The following PPARGC1A variants were observed in gnomAD, a reference collection of about 807,000 sequenced individuals.
PPARGC1A encodes peroxisome proliferator-activated receptor gamma coactivator 1-alpha.
PPARGC1A carries 25 observed loss-of-function variants against 88.7 expected under a neutral mutation model. The ratio of observed to expected loss-of-function variants is 0.28; its 90% confidence interval spans 0.21 to 0.39. The LOEUF (loss-of-function observed/expected upper bound fraction) is 0.39. PPARGC1A is among the 10% of genes least tolerant of loss of function. The pLI, the probability that PPARGC1A is intolerant of heterozygous loss-of-function variation, is 1.00. For missense variants in PPARGC1A, 880 were observed against 968.7 expected (o/e 0.91, Z 1.22); for synonymous variants, 363 against 355.6 (o/e 1.02, Z -0.24).
chr4:23,963,883 C>T, the PPARGC1A span, among the ~76,000 whole-genome samples: 2 of 152,100 alleles, frequency 1.3e-5, no homozygotes, highest in African/African-American at 2.4e-5. Flanking sequence ...GAAATTTTGA[C>T]GGTTCTGGTA....
the PPARGC1A span, among the ~76,000 whole-genome samples, chr4:24,387,919 A>AAAGG: frequency 8.3e-5 from 1 of 11,998 alleles, no homozygotes; most frequent in Non-Finnish European, 4.6e-4. Flanking sequence ...AGAAAGAAAG[A>AAAGG]AAGAAAGAAA....
chr4:24,350,712 A>G, the PPARGC1A span, among the ~76,000 whole-genome samples: 1 of 152,224 alleles, frequency 6.6e-6, no homozygotes, highest in Non-Finnish European at 1.5e-5. Flanking sequence ...CAAGGTCTTT[A>G]TCACAAACTA....
the PPARGC1A span, among the ~76,000 whole-genome samples, chr4:24,053,431 A>T: frequency 6.6e-6 from 1 of 152,170 alleles, no homozygotes; most frequent in Non-Finnish European, 1.5e-5. Flanking sequence ...ATAAAAGGCT[A>T]AGCACCAGCT....
the PPARGC1A span, among the ~76,000 whole-genome samples, chr4:24,292,527 A>C: frequency 5.0e-3 from 72 of 14,544 alleles, no homozygotes; most frequent in African/African-American, 6.6e-3. Context: ...GCTCCTCCCT[A>C]CCCCCCCACC....
the PPARGC1A span, among the ~76,000 whole-genome samples, chr4:24,466,623 T>G: frequency 6.6e-6 from 1 of 152,204 alleles, no homozygotes; most frequent in Non-Finnish European, 1.5e-5. Flanking sequence ...TTAGTCATTG[T>G]CACTGCTCTT....
At chr4:23,873,699 A>G (rs1177352092) in intron 2 of PPARGC1A, among the ~76,000 whole-genome samples, 2 of 152,238 alleles carry the variant, frequency 1.3e-5, no homozygotes, top group African/African-American at 4.8e-5. Context: ...GTAATACATT[A>G]AGAGTTAACT....
At chr4:24,046,887 C>T in the PPARGC1A span, among the ~76,000 whole-genome samples, 1 of 152,222 alleles carries the variant, frequency 6.6e-6, no homozygotes, top group African/African-American at 2.4e-5. Flanking sequence ...GGGGCCCTAG[C>T]AAATGGCGGG....
intron 2 of PPARGC1A, among the ~76,000 whole-genome samples, chr4:23,879,722 C>T (rs1015972175): frequency 2.0e-5 from 3 of 152,288 alleles, no homozygotes; most frequent in East Asian, 1.9e-4. Context: ...TCCTACTTGC[C>T]TACACCTCTT....
At chr4:24,188,525 G>A in the PPARGC1A span, among the ~76,000 whole-genome samples, 1 of 152,116 alleles carries the variant, frequency 6.6e-6, no homozygotes, top group Non-Finnish European at 1.5e-5. Context: ...GAAATGCAGA[G>A]TAAAGAAGGA....
the PPARGC1A span, among the ~76,000 whole-genome samples, chr4:24,338,345 T>C: frequency 1.3e-5 from 2 of 152,226 alleles, no homozygotes; most frequent in Non-Finnish European, 2.9e-5. Flanking sequence ...AGAAGTATTT[T>C]AATGATGTTT....
At chr4:24,056,968 T>C in the PPARGC1A span, among the ~76,000 whole-genome samples, 2 of 152,134 alleles carry the variant, frequency 1.3e-5, no homozygotes, top group African/African-American at 2.4e-5. Context: ...CACAAAGAAC[T>C]GAAATCAGGG....
chr4:24,199,686 A>G, the PPARGC1A span, among the ~76,000 whole-genome samples: 1 of 152,198 alleles, frequency 6.6e-6, no homozygotes, highest in Non-Finnish European at 1.5e-5. Flanking sequence ...CCTACTCAAA[A>G]AACAAAAGTG....
At chr4:24,441,954 C>T in the PPARGC1A span, among the ~76,000 whole-genome samples, 1 of 152,128 alleles carries the variant, frequency 6.6e-6, no homozygotes, top group Non-Finnish European at 1.5e-5. Context: ...AATGCTAGGC[C>T]GAGTTGTGAC....
chr4:24,370,583 A>T, the PPARGC1A span, among the ~76,000 whole-genome samples: 27,019 of 151,940 alleles, frequency 0.18, 2,531 homozygotes, highest in Non-Finnish European at 0.2. Context: ...AGGCAAAGGC[A>T]TCTGGCTTCA....
the PPARGC1A span, among the ~76,000 whole-genome samples, chr4:24,037,678 T>G: frequency 9.8e-5 from 15 of 152,320 alleles, no homozygotes; most frequent in African/African-American, 3.4e-4. Flanking sequence ...GAAAAATCAG[T>G]GGAAGCATCT....
chr4:24,405,267 G>A, the PPARGC1A span, among the ~76,000 whole-genome samples: 3 of 151,936 alleles, frequency 2.0e-5, no homozygotes, highest in African/African-American at 7.2e-5. Context: ...ATCTTTCTAA[G>A]TTGTATGAAA....
At chr4:24,089,514 C>CTTTTTTT in the PPARGC1A span, among the ~76,000 whole-genome samples, 8 of 38,680 alleles carry the variant, frequency 2.1e-4, no homozygotes, top group African/African-American at 4.3e-4. Context: ...TCTTTTCTTT[C>CTTTTTTT]TTTTTTTTTT....
chr4:23,865,680 C>A (rs576613213), intron 2 of PPARGC1A, among the ~76,000 whole-genome samples: 19 of 152,294 alleles, frequency 1.2e-4, no homozygotes, highest in Non-Finnish European at 2.4e-4. Flanking sequence ...CCGCACCTGG[C>A]ATAACACCTT....
the PPARGC1A span, among the ~76,000 whole-genome samples, chr4:24,039,485 C>T: frequency 6.6e-6 from 1 of 152,102 alleles, no homozygotes; most frequent in African/African-American, 2.4e-5. Context: ...AATCTTAGAG[C>T]TCATATTGCT....
Sources: allele counts gnomAD v4.1 joint callset (sites outside exome capture counted in the v4.1 genomes callset), GRCh38; gene constraint gnomAD v4.1.1; transcripts MANE v1.5; gene names NCBI Gene and HGNC (gene_info 2026-07-23, HGNC 2026-07-21).